LRRC37B: variants seen among roughly 807,000 people sequenced by gnomAD.
LRRC37B encodes the protein leucine rich repeat containing 37B.
In LRRC37B, 28 loss-of-function variants were observed where a neutral mutation model predicts 98.3. The ratio of observed to expected loss-of-function variants is 0.28; its 90% confidence interval spans 0.21 to 0.39. The LOEUF (loss-of-function observed/expected upper bound fraction) is 0.39. Among genes scored for constraint, LRRC37B ranks in the 10% least tolerant of loss-of-function variants. The pLI, the probability that LRRC37B is intolerant of heterozygous loss-of-function variation, is 1.00. For missense variants in LRRC37B, 938 were observed against 1,182.7 expected (o/e 0.79, Z 3.03); for synonymous variants, 364 against 442.7 (o/e 0.82, Z 2.23).
chr17:32,051,546 C>T (rs999497675), intron 11 of LRRC37B: 1 of 151,722 alleles, frequency 6.6e-6, no homozygotes, highest in African/African-American at 2.4e-5. Context: ...TGAGCCTAGT[C>T]CCTTTTTGAG....
chr17:32,035,481 T>G (rs192825431), intron 6 of LRRC37B, 84 bp from the exon 10 acceptor site: 1 of 1,406,614 alleles, frequency 7.1e-7, no homozygotes, highest in Non-Finnish European at 9.9e-7. Context: ...AAAATAGAAG[T>G]AATCACATGT....
intron 7 of LRRC37B, among the ~76,000 whole-genome samples, chr17:32,037,055 C>T (rs538631038): frequency 6.2e-5 from 8 of 128,610 alleles, no homozygotes; most frequent in East Asian, 2.7e-4. Context: ...GGTGCCATAT[C>T]GGCTCACTGC....
At chr17:32,039,229 G>A (rs958381780) in intron 7 of LRRC37B, among the ~76,000 whole-genome samples, 4 of 151,144 alleles carry the variant, frequency 2.6e-5, no homozygotes, top group African/African-American at 9.7e-5. Flanking sequence ...CTCCGGCCTC[G>A]TTCTCCCAGA....
chr17:32,007,878 G>A, upstream of LRRC37B: 1 of 1,067,110 alleles, frequency 9.4e-7, no homozygotes, highest in African/African-American at 1.7e-5. This position sits in a 1 kb window ranked among gnomAD's most constrained non-coding sequence, Gnocchi z 4.1. Flanking sequence ...GCCCGGCGGG[G>A]GCGCGGGGGC....
intron 5 of LRRC37B, among the ~76,000 whole-genome samples, chr17:32,032,899 C>G (rs1441918525): frequency 6.6e-6 from 1 of 152,166 alleles, no homozygotes; most frequent in East Asian, 1.9e-4. Flanking sequence ...AGCGGTGGCT[C>G]ATGCCTGTAA....
In LRRC37B at chr17:32,021,693, A is replaced by C. The variant is rs182506263; in HGVS notation, c.628A>C (p.Thr210Pro). Residue 210 changes from threonine to proline, a missense_variant, in exon 1 of 12, where the codon ACC (threonine) becomes CCC (proline). By Grantham distance (38) the Thr-to-Pro change is conservative. Transcript: ENST00000327564. The stretch of plus-strand genomic sequence containing the variant: ...ACTAGACAGTAAGGTTTCAAGACCA[A>C]CCAAATTTGTTGTTTCGCCCAAGAA... 6 of 1,614,272 alleles carry C rather than the reference A, an allele frequency of 3.7e-6. No individual in the cohort carries two copies. In the East Asian group the frequency reaches 1.1e-4, roughly 30 times the overall value.
At chr17:32,041,890 A>G (rs1461623966) in intron 7 of LRRC37B, 2 of 452,690 alleles carry the variant, frequency 4.4e-6, no homozygotes, top group Middle Eastern at 5.1e-4. Context: ...CTCCGTCCTG[A>G]CCCCATGGGG....
upstream of LRRC37B, among the ~76,000 whole-genome samples, chr17:32,016,606 A>AT (rs1910652937): frequency 6.6e-6 from 1 of 152,178 alleles, no homozygotes. Context: ...CATCAGAATT[A>AT]TTTGGGGAGA....
exon 8 of LRRC37B, chr17:32,045,804 A>G: frequency 6.2e-7 from 1 of 1,600,092 alleles, no homozygotes; most frequent in Non-Finnish European, 8.5e-7. Flanking sequence ...TGTCTGACTA[A>G]CAGCATACAT....
exon 1 of LRRC37B, chr17:32,021,787 A>C (rs1462033509): frequency 1.9e-6 from 3 of 1,614,212 alleles, no homozygotes; most frequent in Non-Finnish European, 1.7e-6. Context: ...CAATTATCCA[A>C]ACCTCAGCGT....
intron 7 of LRRC37B, among the ~76,000 whole-genome samples, chr17:32,045,098 T>A (rs2627088): frequency 6.7e-6 from 1 of 150,328 alleles, no homozygotes; most frequent in East Asian, 2.0e-4. Flanking sequence ...TTATTAGCTA[T>A]CATTATTTCA....
chr17:32,014,804 G>A (rs565648462), intron 1 of LRRC37B, among the ~76,000 whole-genome samples: 15 of 152,294 alleles, frequency 9.8e-5, no homozygotes, highest in African/African-American at 3.6e-4. Flanking sequence ...ATAAGATAAT[G>A]CACTTTAAAG....
At chr17:32,040,742 C>T (rs568912019) in intron 7 of LRRC37B, 9 of 797,792 alleles carry the variant, frequency 1.1e-5, no homozygotes, top group South Asian at 5.4e-5. Context: ...AGCTGGGCAA[C>T]GAGTCCAACT....
intron 7 of LRRC37B, among the ~76,000 whole-genome samples, chr17:32,037,658 A>G (rs1379511669): frequency 1.3e-5 from 2 of 152,184 alleles, no homozygotes; most frequent in East Asian, 1.9e-4. Context: ...TTTAATTTGC[A>G]TTTCTTTAAT....
chr17:32,050,162 T>G (rs1348478411), intron 11 of LRRC37B, 55 bp downstream of exon 14: 8 of 991,964 alleles, frequency 8.1e-6, no homozygotes, highest in Admixed American at 3.4e-5. Context: ...TTTGTGTGGA[T>G]TCAGAATCCA....
rs767305418 is a variant in LRRC37B, at chr17:32,022,530, G to A, written c.1465G>A (p.Gly489Arg). ...AACTCCAGAACCCACTACAGAGATTGGACATTCCACAGCCCTGGAGAAGAC... is the reference window on the plus strand; with the variant it reads ...AACTCCAGAACCCACTACAGAGATTAGACATTCCACAGCCCTGGAGAAGAC... The change falls in exon 1 of 12, where the codon GGA becomes AGA. Residue 489 changes from glycine to arginine, a missense_variant. By Grantham distance (125) the Gly-to-Arg change is moderately radical (BLOSUM62 -2). Coordinates refer to ENST00000327564, the Ensembl canonical transcript of LRRC37B. 5 of 1,613,712 alleles carry A rather than the reference G, an allele frequency of 3.1e-6. No homozygotes were observed. In the South Asian group the frequency reaches 4.4e-5, roughly 14 times the overall value.
At chr17:32,036,219 T>G (rs1456312604) in intron 7 of LRRC37B, 1 of 152,766 alleles carries the variant, frequency 6.5e-6, no homozygotes, top group Non-Finnish European at 1.5e-5. Context: ...CAGACTGGTT[T>G]CGAACTCCTG....
chr17:32,040,915 G>A (rs757392111), intron 7 of LRRC37B: 712 of 955,356 alleles, frequency 7.5e-4, no homozygotes, highest in Non-Finnish European at 1.1e-3. Context: ...CTGGAGGGCC[G>A]CCGCCTGGAC....
upstream of LRRC37B, among the ~76,000 whole-genome samples, chr17:32,016,005 T>C (rs113746754): frequency 1.6e-3 from 240 of 152,348 alleles, 1 homozygote; most frequent in African/African-American, 5.3e-3. Context: ...GTCTAAAATA[T>C]ATAGGCAAAC....
Sources: allele counts gnomAD v4.1 joint callset (sites outside exome capture counted in the v4.1 genomes callset), GRCh38; gene constraint gnomAD v4.1.1; non-coding constraint Gnocchi (gnomAD v3.1); transcripts MANE v1.5; gene names NCBI Gene and HGNC (gene_info 2026-07-23, HGNC 2026-07-21).